Variants in CGN observed in about 807,000 individuals in gnomAD.
The protein encoded by CGN is cingulin.
CGN carries 121 observed loss-of-function variants against 157.1 expected under a neutral mutation model. The observed-to-expected ratio is 0.77, with a 90% CI of 0.66 to 0.90. The LOEUF is 0.90. CGN is among the 40% of genes least tolerant of loss of function. The pLI, the probability that CGN is intolerant of heterozygous loss-of-function variation, is 0.00. For missense variants in CGN, 1,424 were observed against 1,520.9 expected, an observed-to-expected ratio of 0.94 and a Z score of 1.06; for synonymous variants, 535 against 607.5, an observed-to-expected ratio of 0.88 and a Z score of 1.76.
chr1:151,518,508 C>T lies in CGN; in HGVS notation c.-12C>T, dbSNP rs1664459804. ...AAACTCATTTCTTCATCTTCTAGGA[C>T]TCCTCCTATTTATGGAGCAGGCACC... is the stretch of plus-strand genomic sequence containing the variant. On this transcript the variant is annotated splice_region_variant and 5_prime_UTR_variant, in exon 2 of 21. Coordinates refer to ENST00000271636, the MANE Select transcript of CGN (RefSeq NM_020770.3). 1.3e-6 allele frequency: 2 copies of T among 1,592,482 alleles called. No individual in the cohort carries two copies. The highest frequency in any genetic ancestry group is 1.1e-5 in the South Asian group (1 of 89,594).
At chr1:151,520,392 C>T (rs1290386362) in intron 3 of CGN, 22 bp from the exon 4 acceptor site, 1 of 1,609,914 alleles carries the variant, frequency 6.2e-7, no homozygotes. Context: ...CTAACCCTTG[C>T]TTCTATCCTT....
chr1:151,518,451 G>T, intron 1 of CGN, 55 bp from the exon 2 acceptor site: 2 of 1,452,218 alleles, frequency 1.4e-6, no homozygotes, highest in Non-Finnish European at 1.9e-6. Context: ...GCAGGTAGAA[G>T]TTTCATAGTT....
chr1:151,534,048 T>C lies in CGN; in HGVS notation c.2816T>C (p.Leu939Pro). The C allele has an allele frequency of 6.2e-7, 1 of 1,613,766 alleles. No homozygotes were observed. The highest frequency in any genetic ancestry group is 2.2e-5 in the East Asian group (1 of 44,876). The change falls in exon 15 of 21, where the codon CTG (leucine) becomes CCG (proline). Residue 939 changes from leucine (L) to proline (P), a missense_variant. Coordinates refer to ENST00000271636, the MANE Select transcript of CGN (RefSeq NM_020770.3). ...RDTARLDKEL[L>P]AQRLQGLEQE... The stretch of plus-strand genomic sequence containing the variant: ...ACAGCCCGGCTGGACAAAGAGCTAC[T>C]GGCCCAGCGACTGCAGGGGCTGGAG...
rs760474313 is a variant in CGN, at chr1:151,536,750, T to C, written c.3327T>C (p.Ala1109=). ...QKDQLSLRVK[A]LKRQVDEAEE... ...CCCAGCTAAGCCTGAGGGTGAAGGC[T>C]TTGAAGCGTCAGGTGGATGAAGCAG... Residue 1109 remains alanine, a synonymous_variant, in exon 20 of 21, where the codon GCT becomes GCC. Coordinates refer to ENST00000271636, the MANE Select transcript of CGN (RefSeq NM_020770.3). 1.6e-5 allele frequency: 26 copies of C among 1,613,998 alleles called. No homozygotes were observed. Among genetic ancestry groups the C allele is most frequent in the Non-Finnish European group, 2.2e-5 (26 of 1,180,044 alleles).
chr1:151,522,080 C>T (rs2102491758), intron 5 of CGN, among the ~76,000 whole-genome samples: 1 of 152,304 alleles, frequency 6.6e-6, no homozygotes, highest in Admixed American at 6.5e-5. Context: ...GAGTTTGAGA[C>T]CAGCCTGGGC....
chr1:151,519,443 T>C, intron 2 of CGN, 51 bp downstream of exon 2: 1 of 1,483,240 alleles, frequency 6.7e-7, no homozygotes, highest in South Asian at 1.3e-5. Context: ...TTCTCCCTTC[T>C]CATCAGCTTT....
At position 151,534,044 on chromosome 1, in the gene CGN, C is replaced by T. The variant is rs757024424; in HGVS notation, c.2812C>T (p.Leu938=). ...GGACACAGCCCGGCTGGACAAAGAG[C>T]TACTGGCCCAGCGACTGCAGGGGCT... The part of the protein sequence containing the change: ...ERDTARLDKE[L]LAQRLQGLEQ... The change falls in exon 15 of 21, where the codon CTA becomes TTA. Residue 938 remains leucine (L), a synonymous_variant. Transcript: ENST00000271636. 6.2e-7 allele frequency: 1 copy of T among 1,613,820 alleles called. No individual in the cohort carries two copies. Among genetic ancestry groups the T allele is most frequent in the South Asian group, 1.1e-5 (1 of 91,074 alleles).
intron 10 of CGN, among the ~76,000 whole-genome samples, chr1:151,528,974 T>G (rs1664762887): frequency 6.6e-6 from 1 of 152,230 alleles, no homozygotes; most frequent in South Asian, 2.1e-4. Flanking sequence ...GTAGCAAGTA[T>G]GAGTACTTCA....
chr1:151,519,403 G>A lies in CGN; in HGVS notation c.873+11G>A. Reference sequence around the variant, plus strand: ...CCCACCATGCTGCAGGTCAGACCCAGCCCCTCCCTGACTTCTAAATGTCAG... The same window carrying A: ...CCCACCATGCTGCAGGTCAGACCCAACCCCTCCCTGACTTCTAAATGTCAG... On this transcript the variant is annotated intron_variant, in intron 2 of 20. Coordinates refer to ENST00000271636, the MANE Select transcript of CGN (RefSeq NM_020770.3). 2 of 1,563,348 alleles carry A rather than the reference G, an allele frequency of 1.3e-6. No homozygotes were observed. Among genetic ancestry groups the A allele is most frequent in the Non-Finnish European group, 8.6e-7 (1 of 1,160,012 alleles).
rs1571663969 is a variant in CGN at position 151,527,022 on chromosome 1, G to T, written c.1811G>T (p.Gly604Val). The change falls in exon 10 of 21, where the codon GGA (glycine) becomes GTA (valine). Residue 604 changes from glycine to valine, a missense_variant. Coordinates refer to ENST00000271636, the MANE Select transcript of CGN (RefSeq NM_020770.3). ...AAGGAGGAGATGGAAGAGGAGCTTG[G>T]AGAGAAGATAGAGGTCTTGCAGAGG... is the stretch of plus-strand genomic sequence containing the variant. ...MEKEEMEEEL[G>V]EKIEVLQREL... is the part of the protein sequence containing the mutation. The T allele has an allele frequency of 6.2e-7, 1 of 1,614,190 alleles. No individual in the cohort carries two copies. Among genetic ancestry groups the T allele is most frequent in the African/African-American group, 1.3e-5 (1 of 75,048 alleles).
In CGN at chr1:151,537,324, A is replaced by G. The variant is rs767151778; in HGVS notation, c.3590A>G (p.Asn1197Ser). 4 of 1,613,776 alleles carry G rather than the reference A, an allele frequency of 2.5e-6. No individual in the cohort carries two copies. Among genetic ancestry groups the G allele is most frequent in the Admixed American group, 3.3e-5 (2 of 59,934 alleles). ...ATTGCATCACTGCTTACGGAGAGCA[A>G]CCTACAGACCAGCTCCTGTTAGCTC... ...SSIASLLTESNLQTSSC is the reference protein window; with the variant it reads ...SSIASLLTESSLQTSSC The change falls in exon 21 of 21, where the codon AAC becomes AGC. Residue 1197 changes from asparagine to serine, a missense_variant. By Grantham distance (46) the Asn-to-Ser change is conservative. Around this residue, in one of 3 missense-constraint regions of CGN, gnomAD observed 38 missense variants for 31.1 expected, o/e 1.22. Transcript: ENST00000271636.
Position 151,518,746 on chromosome 1 carries a change from A to T in CGN, c.227A>T (p.Asp76Val). The T allele has an allele frequency of 6.2e-7, 1 of 1,613,896 alleles. No homozygotes were observed. Among genetic ancestry groups the T allele is most frequent in the Non-Finnish European group, 8.5e-7 (1 of 1,179,950 alleles). Residue 76 changes from aspartate (D) to valine (V), a missense_variant, in exon 2 of 21, where the codon GAC (aspartate) becomes GTC (valine). Physicochemically the swap from Asp to Val is radical, Grantham distance 152. This residue lies in a region of CGN where 1,187 missense variants were observed against 1,217.6 expected (regional missense o/e 0.97). Transcript: ENST00000271636. ...VVLNSGEKGG[D>V]SFGVQIKGAN... ...CTCAACAGTGGGGAGAAAGGCGGTG[A>T]CTCCTTTGGGGTCCAAATCAAGGGG...
At chr1:151,528,116 C>T (rs564506544) in intron 10 of CGN, among the ~76,000 whole-genome samples, 9 of 151,094 alleles carry the variant, frequency 6.0e-5, no homozygotes, top group Admixed American at 2.6e-4. Context: ...CCACCACGCC[C>T]GGCTAATTTT....
intron 1 of CGN, among the ~76,000 whole-genome samples, chr1:151,516,577 T>C (rs1664417539): frequency 6.6e-6 from 1 of 151,166 alleles, no homozygotes; most frequent in African/African-American, 2.4e-5. Flanking sequence ...AGTTTCACTC[T>C]TGTTGCCCAG....
At position 151,518,566 on chromosome 1, in the gene CGN, A is replaced by G; in HGVS notation, c.47A>G (p.His16Arg). ...NMAEPRGPVD[H>R]GVQIRFITEP... ...GCTGAGCCCCGGGGCCCCGTAGACC[A>G]TGGAGTCCAGATTCGCTTCATCACA... Residue 16 changes from histidine to arginine, a missense_variant, in exon 2 of 21, where the codon CAT becomes CGT. This residue lies in a region of CGN where 1,187 missense variants were observed against 1,217.6 expected (regional missense o/e 0.97). Transcript: ENST00000271636. 1.2e-6 allele frequency: 2 copies of G among 1,613,538 alleles called. No individual in the cohort carries two copies. Among genetic ancestry groups the G allele is most frequent in the Non-Finnish European group, 1.7e-6 (2 of 1,179,530 alleles).
chr1:151,526,363 G>A (rs2102495383), intron 9 of CGN, among the ~76,000 whole-genome samples: 1 of 151,924 alleles, frequency 6.6e-6, no homozygotes, highest in East Asian at 1.9e-4. Context: ...TTTTAGTAGA[G>A]ACGGGGTTTC....
At chr1:151,516,085 G>A (rs1664403079) in intron 1 of CGN, among the ~76,000 whole-genome samples, 1 of 152,190 alleles carries the variant, frequency 6.6e-6, no homozygotes, top group African/African-American at 2.4e-5. Flanking sequence ...GGAATTCTAA[G>A]AATGCTCTTC....
intron 10 of CGN, 45 bp from the exon 11 acceptor site, chr1:151,529,303 CTT>C (rs1295566537): frequency 6.6e-7 from 1 of 1,522,500 alleles, no homozygotes; most frequent in Non-Finnish European, 9.1e-7. Context: ...ATTCAGGTAT[CTT>C]AGTCTGGCTC....
At position 151,534,027 on chromosome 1, in the gene CGN, C is replaced by T. The variant is rs774642661; in HGVS notation, c.2795C>T (p.Ala932Val). ...GCATCCCAGGCTGAGCGGGACACAG[C>T]CCGGCTGGACAAAGAGCTACTGGCC... is the stretch of plus-strand genomic sequence containing the variant. ...LQASQAERDTARLDKELLAQR... is the reference protein window; with the variant it reads ...LQASQAERDTVRLDKELLAQR... Residue 932 changes from alanine to valine, a missense_variant, in exon 15 of 21, where the codon GCC becomes GTC. Ala to Val is a moderately conservative substitution (Grantham distance 64). This residue lies in a region of CGN where 1,187 missense variants were observed against 1,217.6 expected (regional missense o/e 0.97). Transcript: ENST00000271636. 10 of 1,613,262 alleles carry T rather than the reference C, an allele frequency of 6.2e-6. No individual in the cohort carries two copies. Among genetic ancestry groups the T allele is most frequent in the Admixed American group, 1.7e-5 (1 of 59,970 alleles).
Sources: allele counts gnomAD v4.1 joint callset (sites outside exome capture counted in the v4.1 genomes callset), GRCh38; gene constraint gnomAD v4.1.1; regional missense constraint gnomAD v4.1.1; transcripts MANE v1.5; gene names NCBI Gene and HGNC (gene_info 2026-07-23, HGNC 2026-07-21).